ARID3B: variants seen among roughly 807,000 people sequenced by gnomAD.
ARID3B encodes AT-rich interaction domain 3B.
Under a neutral mutation model 51.9 loss-of-function variants are expected in ARID3B, and 10 were observed. The observed-to-expected ratio is 0.19, with a 90% CI of 0.12 to 0.33. The LOEUF (loss-of-function observed/expected upper bound fraction) is 0.33. Ranked by LOEUF, ARID3B falls within the 10% of genes least tolerant of loss-of-function variation. The pLI is 1.00. For synonymous variants in ARID3B, 205 were observed against 279.5 expected (o/e 0.73, Z 2.66); for missense variants, 483 against 716.3 (o/e 0.67, Z 3.72).
intron 2 of ARID3B, among the ~76,000 whole-genome samples, chr15:74,562,311 T>C (rs189893599): frequency 9.9e-4 from 150 of 152,126 alleles, no homozygotes; most frequent in South Asian, 1.9e-3. Context: ...CCAGCTAATT[T>C]TGTATTTTTA....
At chr15:74,583,610 G>A (rs2141474346) in intron 4 of ARID3B, among the ~76,000 whole-genome samples, 1 of 152,218 alleles carries the variant, frequency 6.6e-6, no homozygotes, top group South Asian at 2.1e-4. Context: ...CCAGCCACTT[G>A]GGAGCCGGAG....
intron 2 of ARID3B, among the ~76,000 whole-genome samples, chr15:74,567,685 C>T (rs897161008): frequency 2.0e-5 from 3 of 152,118 alleles, no homozygotes; most frequent in South Asian, 2.1e-4. Flanking sequence ...CCAGGCAGTT[C>T]TACTTGTTTT....
intron 2 of ARID3B, among the ~76,000 whole-genome samples, chr15:74,556,769 G>GTTTT (rs2061659559): frequency 1.2e-4 from 15 of 126,276 alleles, no homozygotes; most frequent in South Asian, 1.1e-3. Flanking sequence ...TCTTTTTTTT[G>GTTTT]TTTTTTGTTT....
At chr15:74,556,585 T>C (rs559378780) in intron 2 of ARID3B, among the ~76,000 whole-genome samples, 1 of 152,312 alleles carries the variant, frequency 6.6e-6, no homozygotes, top group South Asian at 2.1e-4. Context: ...CAATCCTATT[T>C]ACCAGTTTAT....
Position 74,544,415 on chromosome 15 carries a change from A to G in ARID3B, c.479A>G (p.Asp160Gly). Residue 160 changes from aspartate to glycine, a missense_variant, in exon 2 of 9, where the codon GAT (aspartate) becomes GGT (glycine). Transcript: ENST00000346246. Reference protein sequence around the residue: ...GQQAKEDHTKDASKASPSVST... With the variant: ...GQQAKEDHTKGASKASPSVST... ...CAAGCTAAAGAAGACCATACCAAAG[A>G]TGCTTCCAAGGCCTCACCTTCTGTC... 2 of 1,614,180 alleles carry G rather than the reference A, an allele frequency of 1.2e-6. No individual in the cohort carries two copies. Among genetic ancestry groups the G allele is most frequent in the Non-Finnish European group, 1.7e-6 (2 of 1,180,034 alleles).
At chr15:74,544,610 C>A in intron 2 of ARID3B, 122 bp downstream of exon 2, 1 of 912,610 alleles carries the variant, frequency 1.1e-6, no homozygotes, top group Non-Finnish European at 1.6e-6. Flanking sequence ...TGACCAACAG[C>A]CTAGACATGA....
chr15:74,554,396 G>A (rs980729469), intron 2 of ARID3B, among the ~76,000 whole-genome samples: 12 of 151,948 alleles, frequency 7.9e-5, no homozygotes, highest in Admixed American at 2.0e-4. Flanking sequence ...TCTGCCTCCC[G>A]GGCTCAAGCA....
chr15:74,556,465 T>A (rs2061658136), intron 2 of ARID3B, among the ~76,000 whole-genome samples: 1 of 152,184 alleles, frequency 6.6e-6, no homozygotes, highest in South Asian at 2.1e-4. Flanking sequence ...ACTACGAGAA[T>A]TACCAGTATG....
At chr15:74,579,870 TGTGCGC>T (rs1244180450) in intron 4 of ARID3B, among the ~76,000 whole-genome samples, 24 of 121,714 alleles carry the variant, frequency 2.0e-4, no homozygotes, top group Middle Eastern at 8.1e-3. Context: ...TGTGTGTGTG[TGTGCGC>T]GCGCGCGCAC....
rs2061725364 is a variant in ARID3B at position 74,573,194 on chromosome 15, G to A, written c.687G>A (p.Met229Ile). Residue 229 changes from methionine (M) to isoleucine (I), a missense_variant, in exon 4 of 9, where the codon ATG (methionine) becomes ATA (isoleucine). Physicochemically the swap from Met to Ile is conservative, Grantham distance 10. This residue lies in a region of ARID3B where 36 missense variants were observed against 117.5 expected (regional missense o/e 0.31). Coordinates refer to ENST00000346246, the MANE Select transcript of ARID3B (RefSeq NM_006465.4). ...KEFLDDLFVFMQKRGTPINRI... is the reference protein window; with the variant it reads ...KEFLDDLFVFIQKRGTPINRI... ...TCCTGGATGACCTCTTCGTCTTTAT[G>A]CAGAAGAGGGGTGAGTGTGCATCTA... 6.2e-7 allele frequency: 1 copy of A among 1,614,154 alleles called. No individual in the cohort carries two copies.
chr15:74,544,689 CTTTT>C (rs398057829), intron 2 of ARID3B, among the ~76,000 whole-genome samples: 2 of 136,642 alleles, frequency 1.5e-5, no homozygotes. Context: ...ATATGTTACT[CTTTT>C]TTTTTTTTTT....
chr15:74,550,412 G>A (rs1481153629), intron 2 of ARID3B, among the ~76,000 whole-genome samples: 10 of 151,972 alleles, frequency 6.6e-5, no homozygotes, highest in Non-Finnish European at 1.0e-4. Flanking sequence ...CCTACTTCCC[G>A]CCAGGCGCAG....
intron 2 of ARID3B, among the ~76,000 whole-genome samples, chr15:74,571,407 G>A (rs987260084): frequency 2.0e-5 from 3 of 152,200 alleles, no homozygotes; most frequent in Non-Finnish European, 4.4e-5. Context: ...CAGCTGGGTG[G>A]CATGGTACGC....
intron 1 of ARID3B, among the ~76,000 whole-genome samples, chr15:74,543,133 C>T (rs2061600647): frequency 6.6e-6 from 1 of 152,212 alleles, no homozygotes; most frequent in Admixed American, 6.5e-5. Flanking sequence ...CCCCCGTTTG[C>T]TTTTGAGTGA....
chr15:74,555,194 G>A (rs762641529), intron 2 of ARID3B, among the ~76,000 whole-genome samples: 24 of 152,260 alleles, frequency 1.6e-4, no homozygotes, highest in Non-Finnish European at 2.2e-4. Context: ...TCAGCGAGTT[G>A]TAATCTTTTT....
intron 2 of ARID3B, among the ~76,000 whole-genome samples, chr15:74,558,611 A>C (rs1278493556): frequency 6.6e-6 from 1 of 152,194 alleles, no homozygotes; most frequent in Non-Finnish European, 1.5e-5. Flanking sequence ...AGCTTTCAAC[A>C]AGTATCAACA....
chr15:74,558,087 C>T (rs1467327621), intron 2 of ARID3B, among the ~76,000 whole-genome samples: 1 of 151,700 alleles, frequency 6.6e-6, no homozygotes, highest in African/African-American at 2.4e-5. Context: ...TCCCAAAGTG[C>T]TGGGATTACA....
intron 2 of ARID3B, among the ~76,000 whole-genome samples, chr15:74,557,383 C>G (rs1011102593): frequency 1.3e-5 from 2 of 151,848 alleles, no homozygotes; most frequent in Non-Finnish European, 2.9e-5. Context: ...GCCATGCACT[C>G]CAGCCTGGAT....
intron 2 of ARID3B, among the ~76,000 whole-genome samples, chr15:74,558,910 G>A (rs1044801408): frequency 6.6e-6 from 1 of 152,184 alleles, no homozygotes; most frequent in Non-Finnish European, 1.5e-5. Flanking sequence ...GGTTTGGGTA[G>A]TGTGAATTTG....
Sources: allele counts gnomAD v4.1 joint callset (sites outside exome capture counted in the v4.1 genomes callset), GRCh38; gene constraint gnomAD v4.1.1; regional missense constraint gnomAD v4.1.1; transcripts MANE v1.5; gene names NCBI Gene and HGNC (gene_info 2026-07-23, HGNC 2026-07-21).